The following PTTG1IP2 variants were observed in gnomAD, a reference collection of about 807,000 sequenced individuals.
PTTG1IP2 encodes the protein PTTG1IP family member 2.
At chr7:90,470,963 C>CAAAAA (rs5885726) in intron 1 of PTTG1IP2, among the ~76,000 whole-genome samples, 17 of 108,096 alleles carry the variant, frequency 1.6e-4, no homozygotes, top group East Asian at 7.1e-4. Flanking sequence ...TGATGAAGAA[C>CAAAAA]AAAAAAAAAA....
At chr7:90,509,725 G>A (rs1354996167) in intron 6 of PTTG1IP2, among the ~76,000 whole-genome samples, 1 of 152,132 alleles carries the variant, frequency 6.6e-6, no homozygotes, top group Non-Finnish European at 1.5e-5. Context: ...GTGGATAGAA[G>A]TTGTGATTTC....
At chr7:90,505,766 T>C (rs2116122327) in intron 6 of PTTG1IP2, among the ~76,000 whole-genome samples, 2 of 151,664 alleles carry the variant, frequency 1.3e-5, no homozygotes, top group Admixed American at 1.3e-4. Context: ...GGGTGGATCA[T>C]GAGGTCAGGA....
At chr7:90,498,697 A>G (rs748232449) in intron 6 of PTTG1IP2, among the ~76,000 whole-genome samples, 27 of 152,196 alleles carry the variant, frequency 1.8e-4, no homozygotes, top group Non-Finnish European at 3.4e-4. Context: ...ATTTTTGTGC[A>G]TCTGTTCACT....
intron 2 of PTTG1IP2, among the ~76,000 whole-genome samples, chr7:90,479,984 G>A (rs116315282): frequency 1.4e-3 from 212 of 152,212 alleles, no homozygotes; most frequent in African/African-American, 4.6e-3. Flanking sequence ...TCTATCACTC[G>A]TCTACTTTAA....
chr7:90,478,308 C>T (rs1370280274), intron 1 of PTTG1IP2, among the ~76,000 whole-genome samples: 2 of 152,192 alleles, frequency 1.3e-5, no homozygotes, highest in Non-Finnish European at 2.9e-5. Flanking sequence ...TTCTGCCTTC[C>T]GAAAGGAGCC....
At chr7:90,504,656 A>C (rs1343643859) in intron 6 of PTTG1IP2, among the ~76,000 whole-genome samples, 1 of 152,224 alleles carries the variant, frequency 6.6e-6, no homozygotes, top group African/African-American at 2.4e-5. Context: ...GATGATCAGA[A>C]AGATCACTGA....
chr7:90,506,933 C>A (rs1379542546), intron 6 of PTTG1IP2, among the ~76,000 whole-genome samples: 6 of 151,972 alleles, frequency 3.9e-5, no homozygotes, highest in Admixed American at 6.6e-5. Flanking sequence ...TTTTACTGAT[C>A]TTCTAGAGGT....
intron 1 of PTTG1IP2, among the ~76,000 whole-genome samples, chr7:90,474,691 A>G (rs765960927): frequency 9.9e-5 from 15 of 152,168 alleles, no homozygotes; most frequent in Non-Finnish European, 1.9e-4. Context: ...GAAAAGATAT[A>G]CTACCAACAC....
In PTTG1IP2 at chr7:90,486,372, G is replaced by A. The variant is rs560730973; in HGVS notation, c.193-955G>A. 8.8e-5 allele frequency among the ~76,000 whole-genome samples: 8 copies of A among 91,212 alleles called. No homozygotes were observed. The East Asian group carries it at 1.6e-3, about 18-fold the overall frequency. 59.8% of individuals were successfully genotyped at this position (91,212 alleles called of 152,430 possible). On this transcript the variant is annotated intron_variant, in intron 2 of 6. Coordinates refer to ENST00000509356, the MANE Select transcript of PTTG1IP2 (RefSeq NM_001365443.2). ...ATCACCGGGTTGTCATGAGTATGAA[G>A]TGAGTGGATATATATATATAAAGGA... is the stretch of plus-strand genomic sequence containing the variant.
At chr7:90,493,646 A>G (rs1263966005) in intron 5 of PTTG1IP2, among the ~76,000 whole-genome samples, 1 of 152,268 alleles carries the variant, frequency 6.6e-6, no homozygotes, top group East Asian at 1.9e-4. Context: ...TTCACAAGGC[A>G]GGATGATTTT....
At chr7:90,477,218 T>A (rs558984497) in intron 1 of PTTG1IP2, among the ~76,000 whole-genome samples, 1 of 152,148 alleles carries the variant, frequency 6.6e-6, no homozygotes, top group Admixed American at 6.5e-5. Context: ...GCCTTGAGGG[T>A]GAAAGAATCT....
At chr7:90,471,644 C>G (rs796156941) in intron 1 of PTTG1IP2, among the ~76,000 whole-genome samples, 38 of 152,324 alleles carry the variant, frequency 2.5e-4, no homozygotes, top group African/African-American at 9.1e-4. Context: ...CATGGCAAGA[C>G]TCCAAATGTT....
chr7:90,513,099 AG>A (rs1798207944), intron 6 of PTTG1IP2, among the ~76,000 whole-genome samples, 178 bp from the exon 7 acceptor site: 1 of 152,228 alleles, frequency 6.6e-6, no homozygotes, highest in African/African-American at 2.4e-5. Flanking sequence ...GGCTAATTTA[AG>A]TTGATAATCA....
chr7:90,474,376 G>C (rs894817815), intron 1 of PTTG1IP2, among the ~76,000 whole-genome samples: 1 of 152,146 alleles, frequency 6.6e-6, no homozygotes, highest in Admixed American at 6.5e-5. Flanking sequence ...AACAACATGA[G>C]AGCCAGAAAA....
At position 90,487,380 on chromosome 7, in the gene PTTG1IP2, C is replaced by T. The variant is rs989163309; in HGVS notation, c.246C>T (p.Phe82=). Residue 82 remains phenylalanine (F), a synonymous_variant, in exon 3 of 7, where the codon TTC becomes TTT. Coordinates refer to ENST00000509356, the MANE Select transcript of PTTG1IP2 (RefSeq NM_001365443.2). ...GCAAAAAATACTGTTTTCCCTATTTCGGTTGTCGATTCAGTTCTATATATT... is the reference window on the plus strand; with the variant it reads ...GCAAAAAATACTGTTTTCCCTATTTTGGTTGTCGATTCAGTTCTATATATT... The part of the protein sequence containing the change: ...KACKKYCFPY[F]GCRFSSIYWL... 4 of 152,416 alleles carry T rather than the reference C, an allele frequency of 2.6e-5. No individual in the cohort carries two copies. Among genetic ancestry groups the T allele is most frequent in the African/African-American group, 9.7e-5 (4 of 41,348 alleles). 9.4% of individuals were successfully genotyped at this position (152,416 alleles called of 1,614,324 possible).
At chr7:90,475,715 C>A (rs999310284) in intron 1 of PTTG1IP2, among the ~76,000 whole-genome samples, 1 of 152,064 alleles carries the variant, frequency 6.6e-6, no homozygotes, top group Non-Finnish European at 1.5e-5. Flanking sequence ...AATCCCAGCA[C>A]TTTGGGAGGC....
At chr7:90,470,554 G>T (rs1279664542) in intron 1 of PTTG1IP2, among the ~76,000 whole-genome samples, 3 of 152,164 alleles carry the variant, frequency 2.0e-5, no homozygotes, top group Non-Finnish European at 4.4e-5. Flanking sequence ...AAGACAATGA[G>T]ACAGAATAAT....
chr7:90,479,937 C>T (rs1177951170), intron 2 of PTTG1IP2, among the ~76,000 whole-genome samples: 2 of 152,174 alleles, frequency 1.3e-5, no homozygotes, highest in Admixed American at 1.3e-4. Context: ...GATATACACC[C>T]TCTGCCCTGT....
chr7:90,482,203 A>T (rs533362513), intron 2 of PTTG1IP2, among the ~76,000 whole-genome samples: 1 of 152,278 alleles, frequency 6.6e-6, no homozygotes, highest in Admixed American at 6.5e-5. Context: ...ATGGTAACTC[A>T]TGAAGCAACC....
Sources: gnomAD v4.1 joint callset for allele counts (sites outside exome capture counted in the v4.1 genomes callset) on GRCh38, gnomAD v4.1.1 for gene constraint, MANE v1.5 for transcripts, NCBI Gene and HGNC (gene_info 2026-07-23, HGNC 2026-07-21) for gene names.